DUSP11: variants seen among roughly 807,000 people sequenced by gnomAD.
DUSP11 encodes dual specificity phosphatase 11.
Under a neutral mutation model 41.4 loss-of-function variants are expected in DUSP11, and 27 were observed. That is an observed-to-expected ratio of 0.65 (90% confidence interval 0.48 to 0.90). DUSP11 has a LOEUF of 0.90. DUSP11 is among the 40% of genes least tolerant of loss of function. DUSP11 has a pLI of 0.00. For missense variants in DUSP11, 465 were observed against 461.1 expected (o/e 1.01, Z -0.08); for synonymous variants, 188 against 159.3 (o/e 1.18, Z -1.35).
Position 73,766,788 on chromosome 2 carries a change from C to T in DUSP11, c.758+40G>A, listed in dbSNP as rs533622281. 1.3e-5 allele frequency: 20 copies of T among 1,519,300 alleles called. No individual in the cohort carries two copies. In the African/African-American group the frequency reaches 2.6e-4, roughly 20 times the overall value. The allele number at this position is 1,519,300 out of a possible 1,614,324, so 94.1% of individuals were successfully genotyped here. On this transcript the variant is annotated intron_variant, in intron 7 of 8. Transcript: ENST00000272444. ...ACTTAAATTACATAAACAGAGATCT[C>T]CCTGACCCACAAATCTCACATATAT... is the stretch of plus-strand genomic sequence containing the variant.
intron 6 of DUSP11, 32 bp from the exon 7 acceptor site, chr2:73,766,935 G>A: frequency 2.5e-6 from 4 of 1,579,670 alleles, no homozygotes; most frequent in Non-Finnish European, 3.5e-6. Flanking sequence ...AGAAATAACT[G>A]TACAAAAAGC....
intron 1 of DUSP11, among the ~76,000 whole-genome samples, chr2:73,778,937 C>T (rs901766959): frequency 6.6e-6 from 1 of 152,058 alleles, no homozygotes; most frequent in Admixed American, 6.6e-5. Context: ...CACCTGAGGT[C>T]AGGAGTTCGA....
chr2:73,762,590 T>C, exon 9 of DUSP11: 1 of 1,219,896 alleles, frequency 8.2e-7, no homozygotes, highest in Non-Finnish European at 1.2e-6. Flanking sequence ...AGACCTGAAC[T>C]AATTAAAAGT....
At chr2:73,766,854 T>G (rs1157085780) in exon 7 of DUSP11, 1 of 1,613,290 alleles carries the variant, frequency 6.2e-7, no homozygotes, top group Admixed American at 1.7e-5. Context: ...TCTGAAGGTC[T>G]TCAATGTAGT....
chr2:73,766,027 C>T (rs564134900), intron 8 of DUSP11, among the ~76,000 whole-genome samples: 55 of 152,232 alleles, frequency 3.6e-4, no homozygotes, highest in African/African-American at 1.2e-3. Flanking sequence ...AATTCCTTAT[C>T]GGCCAGGCGC....
intron 1 of DUSP11, 28 bp from the exon 2 acceptor site, chr2:73,778,404 A>C (rs1193615638): frequency 7.1e-7 from 1 of 1,399,942 alleles, no homozygotes; most frequent in Non-Finnish European, 9.6e-7. Flanking sequence ...TGTTAGCCAA[A>C]TTGTATGTTA....
chr2:73,770,071 C>T (rs1573180056), intron 4 of DUSP11, among the ~76,000 whole-genome samples: 1 of 151,438 alleles, frequency 6.6e-6, no homozygotes, highest in East Asian at 2.0e-4. Context: ...GGTGTGGTGG[C>T]TCACGCCTGT....
At chr2:73,767,260 G>T (rs1672483087) in intron 5 of DUSP11, 53 bp from the exon 6 acceptor site, 2 of 1,463,632 alleles carry the variant, frequency 1.4e-6, no homozygotes, top group Non-Finnish European at 9.4e-7. Flanking sequence ...AAAAAATCAA[G>T]TTTTTTCAAA....
chr2:73,769,401 G>C (rs921443962), intron 4 of DUSP11, 76 bp from the exon 5 acceptor site: 2 of 1,071,328 alleles, frequency 1.9e-6, no homozygotes, highest in Non-Finnish European at 2.8e-6. Flanking sequence ...CCCTGAAAAT[G>C]AATAACTCTT....
Position 73,779,846 on chromosome 2 carries a change from G to A in DUSP11, c.242+28C>T, listed in dbSNP as rs769824867. 3.7e-6 allele frequency: 6 copies of A among 1,611,650 alleles called. No individual in the cohort carries two copies. The East Asian group carries it at 1.1e-4, about 30-fold the overall frequency. ...GACCCAGAAGCCACGAGCTGGAAAG[G>A]CCACGCCAAGGGACCAAGACATACT... is the stretch of plus-strand genomic sequence containing the variant. On this transcript the variant is annotated intron_variant, in intron 1 of 8. Coordinates refer to ENST00000272444, the Ensembl canonical transcript of DUSP11.
chr2:73,773,563 G>A (rs1672625155), intron 4 of DUSP11: 5 of 421,330 alleles, frequency 1.2e-5, no homozygotes, highest in East Asian at 5.1e-5. Flanking sequence ...AATTAAAAAA[G>A]AAAGATGAGC....
Position 73,774,912 on chromosome 2 carries a change from C to G in DUSP11, c.450+1G>C. ...TCTTTTCATTGAAGGGTTCCACTTA[C>G]CTCTGGTTTATAATAGCGTTGAGTA... On this transcript the variant is annotated splice_donor_variant, in intron 3 of 8. Coordinates refer to ENST00000272444, the Ensembl canonical transcript of DUSP11. LOFTEE classifies it high-confidence loss of function. 2 of 1,560,436 alleles carry G rather than the reference C, an allele frequency of 1.3e-6. No individual in the cohort carries two copies. The highest frequency in any genetic ancestry group is 1.7e-6 in the Non-Finnish European group (2 of 1,152,936).
chr2:73,766,757 T>C (rs1672473953), intron 7 of DUSP11, 71 bp downstream of exon 7: 7 of 1,400,822 alleles, frequency 5.0e-6, no homozygotes, highest in Non-Finnish European at 7.0e-6. Flanking sequence ...AGAATGAACA[T>C]ATGCAACTTA....
chr2:73,771,579 C>T (rs559090504), intron 4 of DUSP11, among the ~76,000 whole-genome samples: 1 of 151,804 alleles, frequency 6.6e-6, no homozygotes, highest in Admixed American at 6.6e-5. Flanking sequence ...CTGCAAGTTC[C>T]GCCTCCCAGG....
At chr2:73,771,872 G>C (rs1185007052) in intron 4 of DUSP11, among the ~76,000 whole-genome samples, 1 of 146,496 alleles carries the variant, frequency 6.8e-6, no homozygotes, top group Non-Finnish European at 1.5e-5. Flanking sequence ...CCAGGCTGGA[G>C]TGCAGTGGCG....
chr2:73,767,713 T>C (rs1316128921), intron 5 of DUSP11: 2 of 155,354 alleles, frequency 1.3e-5, no homozygotes, highest in Non-Finnish European at 2.8e-5. Context: ...ACAACAATAT[T>C]ACCTAAATAT....
intron 1 of DUSP11, 121 bp from the exon 2 acceptor site, chr2:73,778,497 G>T: frequency 1.8e-6 from 1 of 560,536 alleles, no homozygotes; most frequent in Non-Finnish European, 3.0e-6. Flanking sequence ...TCTCTGCTTT[G>T]CATTTCGCCA....
At chr2:73,763,802 T>A (rs1672407611) in intron 8 of DUSP11, among the ~76,000 whole-genome samples, 1 of 152,210 alleles carries the variant, frequency 6.6e-6, no homozygotes, top group Admixed American at 6.5e-5. Context: ...CCACTTACTA[T>A]AATTCAATTA....
intron 4 of DUSP11, among the ~76,000 whole-genome samples, chr2:73,771,316 A>G (rs896106930): frequency 3.9e-5 from 6 of 152,138 alleles, no homozygotes; most frequent in African/African-American, 1.4e-4. Context: ...CTGCCTCTCC[A>G]TGGCTTTAGG....
Sources: allele counts gnomAD v4.1 joint callset (sites outside exome capture counted in the v4.1 genomes callset), GRCh38; gene constraint gnomAD v4.1.1; transcripts MANE v1.5; gene names NCBI Gene and HGNC (gene_info 2026-07-23, HGNC 2026-07-21).